The following PALS2 variants were observed in gnomAD, a reference collection of about 807,000 sequenced individuals.
PALS2 encodes protein associated with LIN7 2, MAGUK p55 family member.
A neutral mutation model predicts 61.6 loss-of-function variants in PALS2; 27 were observed. That is an observed-to-expected ratio of 0.44 (90% confidence interval 0.32 to 0.60). The LOEUF (loss-of-function observed/expected upper bound fraction) is 0.60, where lower values mean the gene tolerates loss of function less well. Ranked by LOEUF, PALS2 falls within the 20% of genes least tolerant of loss-of-function variation. The pLI, the probability that PALS2 is intolerant of heterozygous loss-of-function variation, is 0.05. For missense variants in PALS2, 554 were observed against 639.4 expected (o/e 0.87, Z 1.44); for synonymous variants, 236 against 218.6 (o/e 1.08, Z -0.70).
chr7:24,667,622 A>G (rs928100592), intron 8 of PALS2, among the ~76,000 whole-genome samples: 10 of 151,430 alleles, frequency 6.6e-5, no homozygotes, highest in South Asian at 6.3e-4. Context: ...ATAAGTAAGG[A>G]TAAAACATAG....
chr7:24,605,140 T>C (rs1043105723), intron 1 of PALS2, among the ~76,000 whole-genome samples: 3 of 152,226 alleles, frequency 2.0e-5, no homozygotes, highest in Non-Finnish European at 4.4e-5. Flanking sequence ...AGAAATTGAG[T>C]AATGTTTGTA....
chr7:24,691,397 G>A lies in PALS2; in HGVS notation c.*3783G>A, dbSNP rs1053305362. 1 of 108,238 alleles carries A rather than the reference G, an allele frequency of 9.2e-6. No individual in the cohort carries two copies. The highest frequency in any genetic ancestry group is 3.1e-5 in the African/African-American group (1 of 32,512). The allele number at this position is 108,238 out of a possible 1,614,324, so 6.7% of individuals were successfully genotyped here. A position where few individuals can be genotyped will look rare whatever the true frequency, so the allele number is the denominator to read the frequency against. On this transcript the variant is annotated 3_prime_UTR_variant, in exon 12 of 12. Transcript: ENST00000222644. Reference sequence around the variant, plus strand: ...GTTGCCATATATTATGTATGTGTGTGTGTGTGTGTATATATATATATATAT... The same window carrying A: ...GTTGCCATATATTATGTATGTGTGTATGTGTGTGTATATATATATATATAT...
chr7:24,639,022 C>T (rs1372475809), intron 2 of PALS2, among the ~76,000 whole-genome samples: 2 of 152,190 alleles, frequency 1.3e-5, no homozygotes, highest in South Asian at 2.1e-4. Context: ...GTCAAAGGGA[C>T]GAGTGGTATT....
intron 5 of PALS2, among the ~76,000 whole-genome samples, chr7:24,662,911 A>T (rs773006260): frequency 6.6e-6 from 1 of 152,222 alleles, no homozygotes. Context: ...TTCGGAGATC[A>T]TAACTAACAG....
Position 24,681,852 on chromosome 7 carries a change from C to T in PALS2, c.1446+1332C>T, listed in dbSNP as rs1165860210. 6.6e-5 allele frequency among the ~76,000 whole-genome samples: 10 copies of T among 152,286 alleles called. No homozygotes were observed. In the East Asian group the frequency reaches 1.9e-3, roughly 29 times the overall value. ...TGTACTTGATTATATGCCATGAAAT[C>T]AGGTAGTATTAGTTTTCTTTGTTCT... On this transcript the variant is annotated intron_variant, in intron 11 of 11. Coordinates refer to ENST00000222644, the MANE Select transcript of PALS2 (RefSeq NM_001303037.2).
Position 24,691,389 on chromosome 7 carries a change from A to ATGTGTGTGTTTGTG in PALS2, c.*3784_*3785insTTGTGTGTGTGTGT, listed in dbSNP as rs1554318901. ...ATGTTCGAGTTGCCATATATTATGTATGTGTGTGTGTGTGTGTATATATAT... is the reference window on the plus strand; with the variant it reads ...ATGTTCGAGTTGCCATATATTATGTATGTGTGTGTTTGTGTGTGTGTGTGTGTGTGTATATATAT... On this transcript the variant is annotated 3_prime_UTR_variant, in exon 12 of 12. Transcript: ENST00000222644. 2 of 87,708 alleles carry ATGTGTGTGTTTGTG rather than the reference A, an allele frequency of 2.3e-5. No homozygotes were observed. The highest frequency in any genetic ancestry group is 8.9e-5 in the African/African-American group (2 of 22,366). The allele number at this position is 87,708 out of a possible 1,614,324, so 5.4% of individuals were successfully genotyped here.
chr7:24,627,614 C>T (rs112004360), intron 2 of PALS2, among the ~76,000 whole-genome samples: 12 of 151,948 alleles, frequency 7.9e-5, no homozygotes, highest in African/African-American at 2.2e-4. Context: ...ATAGATAGAC[C>T]GCTAGCCAGA....
chr7:24,592,171 G>T (rs1422903831), intron 1 of PALS2, among the ~76,000 whole-genome samples: 1 of 152,052 alleles, frequency 6.6e-6, no homozygotes, highest in East Asian at 1.9e-4. Context: ...TCGATTATTG[G>T]ATTAAAAGTA....
chr7:24,678,459 A>G (rs75155272), intron 9 of PALS2, among the ~76,000 whole-genome samples: 2,454 of 152,314 alleles, frequency 0.016, 79 homozygotes, highest in African/African-American at 0.057. Context: ...GAATATCAAT[A>G]AACAGGAAGC....
rs932602267 is a variant in PALS2, at chr7:24,681,300, A to G, written c.1446+780A>G. ...AAATGAGTCCCTATGCCGATCGCCT[A>G]GCTTCAATAATCGTGGCAATTTCTT... On this transcript the variant is annotated intron_variant, in intron 11 of 11. Coordinates refer to ENST00000222644, the MANE Select transcript of PALS2 (RefSeq NM_001303037.2). 4.6e-5 allele frequency among the ~76,000 whole-genome samples: 7 copies of G among 152,194 alleles called. No homozygotes were observed. The East Asian group carries it at 1.2e-3, about 25-fold the overall frequency.
At chr7:24,621,811 AT>A (rs757074848) in intron 1 of PALS2, among the ~76,000 whole-genome samples, 2 of 152,130 alleles carry the variant, frequency 1.3e-5, no homozygotes, top group South Asian at 2.1e-4. Flanking sequence ...TTTACTGTTG[AT>A]TTATTCTATG....
chr7:24,653,591 A>T (rs897230649), intron 5 of PALS2, among the ~76,000 whole-genome samples: 1 of 152,164 alleles, frequency 6.6e-6, no homozygotes, highest in Non-Finnish European at 1.5e-5. Context: ...ACAAACCATG[A>T]AAAACTTGCC....
At chr7:24,627,146 C>T (rs562943104) in intron 2 of PALS2, among the ~76,000 whole-genome samples, 37 of 152,204 alleles carry the variant, frequency 2.4e-4, no homozygotes, top group Admixed American at 4.6e-4. Flanking sequence ...TGCAAAAGAA[C>T]GGAAATCATA....
chr7:24,642,295 A>G (rs1785596995), intron 3 of PALS2, among the ~76,000 whole-genome samples: 1 of 152,192 alleles, frequency 6.6e-6, no homozygotes, highest in African/African-American at 2.4e-5. Context: ...TGTGAAGTAT[A>G]GAAACTATTG....
intron 5 of PALS2, among the ~76,000 whole-genome samples, chr7:24,654,157 G>C (rs1786297023): frequency 6.6e-6 from 1 of 151,154 alleles, no homozygotes; most frequent in South Asian, 2.1e-4. Context: ...TTATTTATTG[G>C]CAATTAATTA....
chr7:24,630,319 G>T (rs886301287), intron 2 of PALS2, among the ~76,000 whole-genome samples: 1 of 152,022 alleles, frequency 6.6e-6, no homozygotes, highest in East Asian at 1.9e-4. Flanking sequence ...ATCACACACC[G>T]ATCCCTGTCG....
intron 1 of PALS2, among the ~76,000 whole-genome samples, chr7:24,586,885 C>G (rs1562599297): frequency 1.3e-5 from 2 of 152,004 alleles, no homozygotes; most frequent in Non-Finnish European, 2.9e-5. Flanking sequence ...CATGACAAAC[C>G]AAATGACATA....
At chr7:24,633,350 GT>G (rs35300093) in intron 2 of PALS2, among the ~76,000 whole-genome samples, 8,929 of 106,134 alleles carry the variant, frequency 0.084, 244 homozygotes, top group South Asian at 0.13. Flanking sequence ...GGTTGGTGGA[GT>G]TTTTTTTTTT....
chr7:24,651,541 T>C (rs1311919993), intron 5 of PALS2, among the ~76,000 whole-genome samples: 3 of 152,174 alleles, frequency 2.0e-5, no homozygotes, highest in Admixed American at 1.3e-4. Flanking sequence ...ACATAATGAG[T>C]GCTCAAGAAG....
Sources: gnomAD v4.1 joint callset for allele counts (sites outside exome capture counted in the v4.1 genomes callset) on GRCh38, gnomAD v4.1.1 for gene constraint, MANE v1.5 for transcripts, NCBI Gene and HGNC (gene_info 2026-07-23, HGNC 2026-07-21) for gene names.